TBCK: variants seen among roughly 807,000 people sequenced by gnomAD.
TBCK encodes the protein TBC domain-containing protein kinase-like protein.
A neutral mutation model predicts 113.4 loss-of-function variants in TBCK; 99 were observed. That is an observed-to-expected ratio of 0.87 (90% CI 0.74 to 1.03). The LOEUF (loss-of-function observed/expected upper bound fraction) is 1.03, where lower values mean the gene tolerates loss of function less well. Among genes scored for constraint, TBCK ranks in the 50% least tolerant of loss-of-function variants. TBCK has a pLI of 0.00. For synonymous variants in TBCK, 369 were observed against 370.8 expected (o/e 1.00, Z 0.05); for missense variants, 1,045 against 1,061.3 (o/e 0.98, Z 0.21).
chr4:106,267,888 G>A (rs1301614876), intron 3 of TBCK, among the ~76,000 whole-genome samples: 1 of 152,034 alleles, frequency 6.6e-6, no homozygotes. Flanking sequence ...CCAAGATCAT[G>A]GATTTAATTC....
intron 22 of TBCK, among the ~76,000 whole-genome samples, chr4:106,185,344 C>A (rs766308303): frequency 4.3e-4 from 65 of 152,102 alleles, no homozygotes; most frequent in Non-Finnish European, 1.3e-4. Context: ...GGTAAGAACA[C>A]AACATGAGAT....
intron 20 of TBCK, among the ~76,000 whole-genome samples, chr4:106,195,631 A>C (rs1428550948): frequency 3.9e-5 from 6 of 151,968 alleles, no homozygotes; most frequent in African/African-American, 1.4e-4. Flanking sequence ...ACAAAGGTAG[A>C]GGAAGGAGGA....
chr4:106,140,991 C>G lies in TBCK; in HGVS notation c.2236-24613G>C, dbSNP rs1042181808. On this transcript the variant is annotated intron_variant, in intron 23 of 25. Transcript: ENST00000394708. Reference sequence around the variant, plus strand: ...TATTTAGTTCCTATTGAATACCAGACAGTGTGTTGATAAGATATATGATAA... The same window carrying G: ...TATTTAGTTCCTATTGAATACCAGAGAGTGTGTTGATAAGATATATGATAA... 6.4e-5 allele frequency among the ~76,000 whole-genome samples: 9 copies of G among 140,234 alleles called. 2 individuals are homozygous for G. The highest frequency in any genetic ancestry group is 2.8e-4 in the Admixed American group (4 of 14,110). 92.0% of individuals were successfully genotyped at this position (140,234 alleles called of 152,430 possible). A position where few individuals can be genotyped will look rare whatever the true frequency, so the allele number is the denominator to read the frequency against.
In TBCK at chr4:106,309,665, C is replaced by T. The variant is rs115449743; in HGVS notation, c.-29-676G>A. Among the ~76,000 whole-genome samples the T allele has an allele frequency of 2.6e-3, 393 of 152,160 alleles. 4 individuals are homozygous for T. The highest frequency in any genetic ancestry group is 9.1e-3 in the African/African-American group (376 of 41,508). On this transcript the variant is annotated intron_variant, in intron 1 of 25. Coordinates refer to ENST00000394708, the MANE Select transcript of TBCK (RefSeq NM_001163435.3). ...ACACACCACTGACAACCTTCCTTCT[C>T]ATACAGTGAGGTAGGTCAGGAAAGA...
intron 19 of TBCK, among the ~76,000 whole-genome samples, chr4:106,226,503 A>C (rs28753823): frequency 6.6e-6 from 1 of 152,192 alleles, no homozygotes; most frequent in African/African-American, 2.4e-5. Flanking sequence ...TCTAAAGTAT[A>C]GAAATTTAGC....
At chr4:106,102,626 A>C (rs1741686096) in intron 24 of TBCK, among the ~76,000 whole-genome samples, 1 of 148,640 alleles carries the variant, frequency 6.7e-6, no homozygotes, top group Non-Finnish European at 1.5e-5. Context: ...TTAGACATTA[A>C]ATCTCCTGGA....
chr4:106,258,919 A>T (rs1156572984), intron 5 of TBCK, among the ~76,000 whole-genome samples: 1 of 151,808 alleles, frequency 6.6e-6, no homozygotes, highest in Non-Finnish European at 1.5e-5. Context: ...GCAAAATACC[A>T]TTTTCATGCT....
At chr4:106,067,414 A>T (rs377557769) in intron 25 of TBCK, among the ~76,000 whole-genome samples, 2 of 152,226 alleles carry the variant, frequency 1.3e-5, no homozygotes, top group South Asian at 2.1e-4. Flanking sequence ...TTAAGTCCTT[A>T]TCAGGCATAT....
intron 20 of TBCK, among the ~76,000 whole-genome samples, chr4:106,201,926 A>C (rs1754929878): frequency 6.6e-6 from 1 of 152,080 alleles, no homozygotes; most frequent in Non-Finnish European, 1.5e-5. Flanking sequence ...CTTTATATGT[A>C]CATTAGGAAA....
chr4:106,316,379 T>G, upstream of TBCK: 1 of 638,136 alleles, frequency 1.6e-6, no homozygotes. Context: ...TTGAAAATAC[T>G]GGGTGAGGGA....
intron 3 of TBCK, among the ~76,000 whole-genome samples, chr4:106,268,228 C>A (rs969310448): frequency 2.0e-5 from 3 of 151,998 alleles, no homozygotes; most frequent in African/African-American, 7.2e-5. Flanking sequence ...TTAATGGGTT[C>A]TCATTCAATG....
intron 22 of TBCK, among the ~76,000 whole-genome samples, chr4:106,193,382 C>T (rs994827556): frequency 6.6e-6 from 1 of 152,174 alleles, no homozygotes; most frequent in East Asian, 1.9e-4. Flanking sequence ...AGTAGCATTA[C>T]CAAGATGGAA....
intron 14 of TBCK, among the ~76,000 whole-genome samples, chr4:106,235,716 T>C (rs1031603643): frequency 1.3e-5 from 2 of 151,994 alleles, no homozygotes; most frequent in African/African-American, 4.8e-5. Flanking sequence ...GGTAAAGCAC[T>C]CTGTTAAAAA....
At chr4:106,061,370 G>A (rs1736023376) in intron 25 of TBCK, among the ~76,000 whole-genome samples, 1 of 151,364 alleles carries the variant, frequency 6.6e-6, no homozygotes, top group South Asian at 2.1e-4. Flanking sequence ...AGCTATCAGT[G>A]TGGAGGCAAG....
intron 19 of TBCK, among the ~76,000 whole-genome samples, chr4:106,223,676 C>T (rs941690297): frequency 2.0e-5 from 3 of 152,098 alleles, no homozygotes; most frequent in African/African-American, 4.8e-5. Context: ...CTTATCTTTA[C>T]CTTTCCGACT....
intron 25 of TBCK, among the ~76,000 whole-genome samples, chr4:106,095,222 T>A (rs1353129616): frequency 6.6e-6 from 1 of 152,160 alleles, no homozygotes; most frequent in Non-Finnish European, 1.5e-5. Flanking sequence ...TTCTTTACAA[T>A]TTCAGAAAGC....
At chr4:106,124,733 C>T (rs1215623939) in intron 23 of TBCK, among the ~76,000 whole-genome samples, 2 of 151,864 alleles carry the variant, frequency 1.3e-5, no homozygotes, top group Non-Finnish European at 2.9e-5. Context: ...TCATCATTTT[C>T]AGTAAACTAT....
Position 106,043,757 on chromosome 4 carries a change from G to T in TBCK, c.*2813C>A, listed in dbSNP as rs1267700147. 6.6e-6 allele frequency: 1 copy of T among 150,516 alleles called. No homozygotes were observed. Among genetic ancestry groups the T allele is most frequent in the Non-Finnish European group, 1.5e-5 (1 of 67,414 alleles). The allele number at this position is 150,516 out of a possible 1,614,324, so 9.3% of individuals were successfully genotyped here. A position where few individuals can be genotyped will look rare whatever the true frequency, so the allele number is the denominator to read the frequency against. On this transcript the variant is annotated 3_prime_UTR_variant, in exon 26 of 26. Coordinates refer to ENST00000394708, the MANE Select transcript of TBCK (RefSeq NM_001163435.3). ...TGTGAGTGTGTGTGTGTGTGTGTGT[G>T]TATGTATATCTGTGTGGGCTGGTGG...
At chr4:106,107,800 G>A (rs1742351782) in intron 24 of TBCK, among the ~76,000 whole-genome samples, 1 of 152,038 alleles carries the variant, frequency 6.6e-6, no homozygotes, top group African/African-American at 2.4e-5. Context: ...GTGAAGTGAA[G>A]GAAATCAAGG....
Sources: allele counts gnomAD v4.1 joint callset (sites outside exome capture counted in the v4.1 genomes callset), GRCh38; gene constraint gnomAD v4.1.1; transcripts MANE v1.5; gene names NCBI Gene and HGNC (gene_info 2026-07-23, HGNC 2026-07-21).